The following RFC4 variants were observed in gnomAD, a reference collection of about 807,000 sequenced individuals.
RFC4 encodes the protein replication factor C subunit 4.
A neutral mutation model predicts 47.6 loss-of-function variants in RFC4; 38 were observed. The ratio of observed to expected loss-of-function variants is 0.80; its 90% CI spans 0.62 to 1.05. The LOEUF is 1.05. Among genes scored for constraint, RFC4 ranks in the 50% least tolerant of loss-of-function variants. The probability of loss-of-function intolerance (pLI) is 0.00; values close to 1 mark genes in which losing one functional copy is unlikely to be tolerated. For synonymous variants in RFC4, 164 were observed against 150.0 expected, an observed-to-expected ratio of 1.09 and a Z score of -0.68; for missense variants, 489 against 434.0, an observed-to-expected ratio of 1.13 and a Z score of -1.13.
Position 186,790,413 on chromosome 3 carries a change from A to G in RFC4, c.802-7T>C, listed in dbSNP as rs1365496614. On this transcript the variant is annotated splice_polypyrimidine_tract_variant and splice_region_variant and intron_variant, in intron 8 of 10. Coordinates refer to ENST00000296273, the MANE Select transcript of RFC4 (RefSeq NM_002916.5). ...TTTTCTCAGCTGGTATTACCTAGGT[A>G]ATTGAATGTTCGGTATTAAAGATGT... The G allele has an allele frequency of 1.1e-5, 18 of 1,598,404 alleles. No individual in the cohort carries two copies. Among genetic ancestry groups the G allele is most frequent in the Non-Finnish European group, 1.5e-5 (18 of 1,165,872 alleles).
chr3:186,791,849 C>A lies in RFC4; in HGVS notation c.677G>T (p.Gly226Val). ...KKENVKISDEGIAYLVKVSEG... is the reference protein window; with the variant it reads ...KKENVKISDEVIAYLVKVSEG... ...TGACACTTTAACAAGATAAGCTATT[C>A]CCTGAAGAGAAAAGAGTTGTTTTTA... The change falls in exon 8 of 11, where the codon GGA (glycine) becomes GTA (valine). Residue 226 changes from glycine to valine, a missense_variant and splice_region_variant. By Grantham distance (109) the Gly-to-Val change is moderately radical (BLOSUM62 -3). Around this residue, in one of 2 missense-constraint regions of RFC4, gnomAD observed 283 missense variants for 176.2 expected, o/e 1.61. Coordinates refer to ENST00000296273, the MANE Select transcript of RFC4 (RefSeq NM_002916.5). 6.2e-7 allele frequency: 1 copy of A among 1,610,884 alleles called. No homozygotes were observed. Among genetic ancestry groups the A allele is most frequent in the Middle Eastern group, 1.7e-4 (1 of 6,046 alleles).
rs1363107259 is a variant in RFC4, at chr3:186,796,670, G to A, written c.290+865C>T. Among the ~76,000 whole-genome samples the A allele has an allele frequency of 6.6e-6, 1 of 152,062 alleles. No individual in the cohort carries two copies. Among genetic ancestry groups the A allele is most frequent in the African/African-American group, 2.4e-5 (1 of 41,410 alleles). ...AATTTTTGTATTTTTAGTAGAGATG[G>A]GGTTTCACCATGTTGGCCAGGCTGG... On this transcript the variant is annotated intron_variant, in intron 4 of 10. Transcript: ENST00000296273. The surrounding 1 kb of genome is among the most constrained non-coding windows in gnomAD (Gnocchi z 4.2).
rs201298413 is a variant in RFC4 at position 186,804,650 on chromosome 3, C to T, written c.64G>A (p.Val22Ile). The change falls in exon 2 of 11, where the codon GTA becomes ATA. Residue 22 changes from valine to isoleucine, a missense_variant. Physicochemically the swap from Val to Ile is conservative, Grantham distance 29. This residue lies in a region of RFC4 where 206 missense variants were observed against 257.8 expected (regional missense o/e 0.80). Coordinates refer to ENST00000296273, the MANE Select transcript of RFC4 (RefSeq NM_002916.5). ...TKPPLTKDRGVAASAGSSGEN... is the reference protein window; with the variant it reads ...TKPPLTKDRGIAASAGSSGEN... ...CCGCTACTTCCCGCACTGGCAGCTA[C>T]TCCTCGATCCTTGGTCAGCGGGGGT... The T allele has an allele frequency of 4.7e-5, 76 of 1,613,994 alleles. No individual in the cohort carries two copies. The highest frequency in any genetic ancestry group is 3.5e-5 in the Non-Finnish European group (41 of 1,180,020).
In RFC4 at chr3:186,796,613, G is replaced by A. The variant is rs1209030120; in HGVS notation, c.290+922C>T. Among the ~76,000 whole-genome samples, 1 of 152,082 alleles carries A rather than the reference G, an allele frequency of 6.6e-6. No homozygotes were observed. Among genetic ancestry groups the A allele is most frequent in the African/African-American group, 2.4e-5 (1 of 41,416 alleles). On this transcript the variant is annotated intron_variant, in intron 4 of 10. Coordinates refer to ENST00000296273, the MANE Select transcript of RFC4 (RefSeq NM_002916.5). This position sits in a 1 kb window ranked among gnomAD's most constrained non-coding sequence, Gnocchi z 4.2. Reference sequence around the variant, plus strand: ...TCCTGCCTCAGCCTGCCGAGTAGCTGGGACTACAGGTGCATGCCACCATGC... The same window carrying A: ...TCCTGCCTCAGCCTGCCGAGTAGCTAGGACTACAGGTGCATGCCACCATGC...
intron 3 of RFC4, among the ~76,000 whole-genome samples, chr3:186,799,969 T>C (rs1028483159): frequency 1.3e-5 from 2 of 152,280 alleles, no homozygotes; most frequent in Non-Finnish European, 2.9e-5. Flanking sequence ...TTATTTATTT[T>C]TGAGACCAGA....
intron 8 of RFC4, among the ~76,000 whole-genome samples, chr3:186,791,089 T>C (rs1722117779): frequency 6.6e-6 from 1 of 152,210 alleles, no homozygotes; most frequent in Admixed American, 6.5e-5. Flanking sequence ...TACTGTAAGT[T>C]GGATATGCCT....
intron 8 of RFC4, among the ~76,000 whole-genome samples, chr3:186,790,793 G>A (rs1220201964): frequency 6.6e-6 from 1 of 152,134 alleles, no homozygotes; most frequent in Admixed American, 6.5e-5. Flanking sequence ...ATGTCTCCAT[G>A]TAAAGATGCC....
Position 186,800,630 on chromosome 3 carries a change from A to G in RFC4, c.210+487T>C, listed in dbSNP as rs147025912. Among the ~76,000 whole-genome samples, 21 of 152,340 alleles carry G rather than the reference A, an allele frequency of 1.4e-4. No individual in the cohort carries two copies. In the East Asian group the frequency reaches 3.9e-3, roughly 28 times the overall value. On this transcript the variant is annotated intron_variant, in intron 3 of 10. Transcript: ENST00000296273. ...TTTATCCCCCAGATCACAGCAGAAG[A>G]GAGAGCTATAAGCAGAATTCAAAGC...
At chr3:186,804,046 G>C (rs1722420476) in intron 2 of RFC4, among the ~76,000 whole-genome samples, 1 of 151,986 alleles carries the variant, frequency 6.6e-6, no homozygotes, top group African/African-American at 2.4e-5. Flanking sequence ...AGCCAGGTGT[G>C]GTGGTGGGCA....
At chr3:186,790,536 T>C in intron 8 of RFC4, 130 bp from the exon 9 acceptor site, 1 of 705,916 alleles carries the variant, frequency 1.4e-6, no homozygotes, top group South Asian at 1.6e-5. Context: ...GGGAAGGCTT[T>C]GGGAGAACGG....
chr3:186,799,985 AC>A (rs1722319633), intron 3 of RFC4, among the ~76,000 whole-genome samples: 1 of 151,934 alleles, frequency 6.6e-6, no homozygotes. Context: ...CCAGAGTCTC[AC>A]TCTGTCACCC....
intron 8 of RFC4, 44 bp downstream of exon 8, chr3:186,791,681 A>G (rs926151192): frequency 6.3e-7 from 1 of 1,599,304 alleles, no homozygotes; most frequent in East Asian, 2.2e-5. Flanking sequence ...AAAAGCCACA[A>G]AAAAGCCAAC....
chr3:186,790,885 C>T (rs966334040), intron 8 of RFC4, among the ~76,000 whole-genome samples: 6 of 151,322 alleles, frequency 4.0e-5, no homozygotes, highest in Non-Finnish European at 3.0e-5. Flanking sequence ...ATATGGAAGG[C>T]CTACCGTGAA....
rs375600952 is a variant in RFC4 at position 186,798,920 on chromosome 3, A to G, written c.211-1306T>C. 5.9e-5 allele frequency among the ~76,000 whole-genome samples: 9 copies of G among 152,264 alleles called. No homozygotes were observed. In the East Asian group the frequency reaches 1.2e-3, roughly 20 times the overall value. On this transcript the variant is annotated intron_variant, in intron 3 of 10. Transcript: ENST00000296273. ...ACATCTGTATTCTAGCATCTACTAC[A>G]GTAGTCAATGTTGGCCAAATGAATG...
chr3:186,797,681 A>G, intron 3 of RFC4, 67 bp from the exon 4 acceptor site: 2 of 1,127,682 alleles, frequency 1.8e-6, no homozygotes, highest in Admixed American at 1.9e-5. Flanking sequence ...AGGAAGATCG[A>G]AAAAAATGTC....
intron 2 of RFC4, 66 bp from the exon 3 acceptor site, chr3:186,801,261 G>T: frequency 8.6e-7 from 1 of 1,165,494 alleles, no homozygotes; most frequent in Non-Finnish European, 1.3e-6. Context: ...AAACTCTCAA[G>T]TGTTCCTTCT....
rs766258531 is a variant in RFC4 at position 186,791,861 on chromosome 3, A to T, written c.676-11T>A. 6.2e-7 allele frequency: 1 copy of T among 1,608,636 alleles called. No homozygotes were observed. ...AAGATAAGCTATTCCCTGAAGAGAA[A>T]AGAGTTGTTTTTAACCTATGATGGC... is the stretch of plus-strand genomic sequence containing the variant. On this transcript the variant is annotated splice_polypyrimidine_tract_variant and intron_variant, in intron 7 of 10. Transcript: ENST00000296273.
intron 2 of RFC4, among the ~76,000 whole-genome samples, chr3:186,802,354 TTTGACAAAA>T (rs1722376954): frequency 1.3e-5 from 2 of 152,114 alleles, no homozygotes; most frequent in Admixed American, 6.5e-5. Context: ...ATTGTTCCAC[TTTGACAAAA>T]TAAGATCATG....
At chr3:186,804,506 A>T in intron 2 of RFC4, 77 bp downstream of exon 2, 2 of 723,408 alleles carry the variant, frequency 2.8e-6, no homozygotes, top group Non-Finnish European at 3.8e-6. Context: ...CCATAAGTTA[A>T]AAAAAAAAAA....
Sources: allele counts gnomAD v4.1 joint callset (sites outside exome capture counted in the v4.1 genomes callset), GRCh38; gene constraint gnomAD v4.1.1; regional missense constraint gnomAD v4.1.1; non-coding constraint Gnocchi (gnomAD v3.1); transcripts MANE v1.5; gene names NCBI Gene and HGNC (gene_info 2026-07-23, HGNC 2026-07-21).